ULBP2: variants seen among roughly 807,000 people sequenced by gnomAD.
ULBP2 encodes the protein UL16 binding protein 2.
In ULBP2, 21 loss-of-function variants were observed where a neutral mutation model predicts 23.6. That is an observed-to-expected ratio of 0.89 (90% CI 0.63 to 1.28). ULBP2 has a LOEUF of 1.28. Among genes scored for constraint, ULBP2 ranks in the 50% most tolerant of loss-of-function variants. The pLI, the probability that ULBP2 is intolerant of heterozygous loss-of-function variation, is 0.00. For synonymous variants in ULBP2, 82 were observed against 112.8 expected (o/e 0.73, Z 1.73); for missense variants, 251 against 306.0 (o/e 0.82, Z 1.34).
intron 1 of ULBP2, among the ~76,000 whole-genome samples, chr6:149,944,562 C>T (rs1287446449): frequency 7.5e-6 from 1 of 133,706 alleles, no homozygotes; most frequent in Non-Finnish European, 1.5e-5. Context: ...CATTCTGGTG[C>T]CTTCTCATGG....
At chr6:149,948,431 A>G (rs185684951) in intron 4 of ULBP2, among the ~76,000 whole-genome samples, 131 of 152,218 alleles carry the variant, frequency 8.6e-4, no homozygotes, top group Middle Eastern at 3.4e-3. Context: ...CCTTCACATC[A>G]GATCATAGAG....
intron 3 of ULBP2, 142 bp downstream of exon 3, chr6:149,946,795 G>A: frequency 7.1e-7 from 1 of 1,417,178 alleles, no homozygotes; most frequent in South Asian, 1.4e-5. Flanking sequence ...TCCTCCTGGG[G>A]TTACTGGCAT....
At chr6:149,946,918 T>G (rs1235392350) in intron 3 of ULBP2, among the ~76,000 whole-genome samples, 3 of 152,180 alleles carry the variant, frequency 2.0e-5, no homozygotes. Flanking sequence ...ACTGCAGGTG[T>G]CACTGTTTTC....
rs998062096 is a variant in ULBP2 at position 149,943,970 on chromosome 6, T to C, written c.86-1339T>C. Among the ~76,000 whole-genome samples, 7 of 151,972 alleles carry C rather than the reference T, an allele frequency of 4.6e-5. 1 individual carries two copies. Among genetic ancestry groups the C allele is most frequent in the African/African-American group, 1.7e-4 (7 of 41,208 alleles). On this transcript the variant is annotated intron_variant, in intron 1 of 4. Coordinates refer to ENST00000367351, the MANE Select transcript of ULBP2 (RefSeq NM_025217.4). Reference sequence around the variant, plus strand: ...TGCTTTTGAACTTCAACAGCAGAGTTGAGTAGTTACAATGGAGAATATATT... The same window carrying C: ...TGCTTTTGAACTTCAACAGCAGAGTCGAGTAGTTACAATGGAGAATATATT...
chr6:149,946,634 C>G lies in ULBP2; in HGVS notation c.612C>G (p.Thr204=), dbSNP rs768133485. 1 of 1,613,954 alleles carries G rather than the reference C, an allele frequency of 6.2e-7. No individual in the cohort carries two copies. Among genetic ancestry groups the G allele is most frequent in the East Asian group, 2.2e-5 (1 of 44,862 alleles). The part of the protein sequence containing the change: ...LEDFLMGMDS[T]LEPSAGAPLA... ...ACTTCTTGATGGGCATGGACAGCAC[C>G]CTGGAGCCAAGTGCAGGAGGTAACA... Residue 204 remains threonine, a synonymous_variant, in exon 3 of 5, where the codon ACC becomes ACG. Transcript: ENST00000367351.
In ULBP2 at chr6:149,948,368, G is replaced by C. The variant is rs181887044; in HGVS notation, c.*23-355G>C. ...AGGCCCACCAAAGGCCAAGGGCACA[G>C]GAATATGGAGCCCTCTTTTTGGAAG... On this transcript the variant is annotated intron_variant, in intron 4 of 4. Coordinates refer to ENST00000367351, the MANE Select transcript of ULBP2 (RefSeq NM_025217.4). Among the ~76,000 whole-genome samples, 433 of 152,330 alleles carry C rather than the reference G, an allele frequency of 2.8e-3. 8 individuals are homozygous for C. The highest frequency in any genetic ancestry group is 0.014 in the South Asian group (68 of 4,830).
rs1227175827 is a variant in ULBP2, at chr6:149,945,505, G to A, written c.282G>A (p.Leu94=). The change falls in exon 2 of 5, where the codon CTG becomes CTA. Residue 94 remains leucine, a synonymous_variant. Coordinates refer to ENST00000367351, the MANE Select transcript of ULBP2 (RefSeq NM_025217.4). The stretch of plus-strand genomic sequence containing the variant: ...CCTGGAAAGCACAGAACCCAGTACT[G>A]AGAGAGGTGGTGGACATACTTACAG... ...TTAWKAQNPV[L]REVVDILTEQ... 6.2e-7 allele frequency: 1 copy of A among 1,614,054 alleles called. No individual in the cohort carries two copies. Among genetic ancestry groups the A allele is most frequent in the East Asian group, 2.2e-5 (1 of 44,890 alleles).
chr6:149,948,328 A>C (rs1333733138), intron 4 of ULBP2, among the ~76,000 whole-genome samples: 1 of 152,314 alleles, frequency 6.6e-6, no homozygotes, highest in East Asian at 1.9e-4. Flanking sequence ...AGGGGAAAGA[A>C]GGATGTTTGC....
At chr6:149,946,028 G>A (rs1277041661) in intron 2 of ULBP2, among the ~76,000 whole-genome samples, 4 of 151,672 alleles carry the variant, frequency 2.6e-5, no homozygotes, top group African/African-American at 4.9e-5. Flanking sequence ...GGATCACGAG[G>A]TTAAGAGATC....
Position 149,945,550 on chromosome 6 carries a change from G to C in ULBP2, c.327G>C (p.Gln109His). The C allele has an allele frequency of 6.2e-7, 1 of 1,614,028 alleles. No individual in the cohort carries two copies. Among genetic ancestry groups the C allele is most frequent in the East Asian group, 2.2e-5 (1 of 44,888 alleles). The change falls in exon 2 of 5, where the codon CAG becomes CAC. Residue 109 changes from glutamine to histidine, a missense_variant. Around this residue, in one of 2 missense-constraint regions of ULBP2, gnomAD observed 248 missense variants for 258.9 expected, o/e 0.96. Transcript: ENST00000367351. ...DILTEQLRDI[Q>H]LENYTPKEPL... ...TTACAGAGCAACTGCGTGACATTCA[G>C]CTGGAGAATTACACACCCAAGGGTA...
intron 1 of ULBP2, among the ~76,000 whole-genome samples, chr6:149,944,855 C>A (rs1778910590): frequency 7.3e-6 from 1 of 136,172 alleles, no homozygotes; most frequent in Non-Finnish European, 1.5e-5. Flanking sequence ...TGATAATTAA[C>A]TCTTCTTTAT....
intron 1 of ULBP2, 31 bp downstream of exon 1, chr6:149,942,188 G>C (rs372843863): frequency 6.2e-7 from 1 of 1,606,798 alleles, no homozygotes; most frequent in Non-Finnish European, 8.5e-7. Flanking sequence ...TAAGCCGGGC[G>C]GGGACCAAGC....
At chr6:149,943,762 A>G (rs1486750716) in intron 1 of ULBP2, among the ~76,000 whole-genome samples, 1 of 151,930 alleles carries the variant, frequency 6.6e-6, no homozygotes, top group African/African-American at 2.4e-5. Context: ...CCACTGCTTA[A>G]TGTTGCGATT....
chr6:149,946,235 G>T, intron 2 of ULBP2, 137 bp from the exon 3 acceptor site: 2 of 1,118,164 alleles, frequency 1.8e-6, no homozygotes, highest in Non-Finnish European at 2.5e-6. Context: ...CAAATGGGAA[G>T]GTCATCATAC....
At chr6:149,944,573 G>A (rs1778907521) in intron 1 of ULBP2, among the ~76,000 whole-genome samples, 1 of 131,866 alleles carries the variant, frequency 7.6e-6, no homozygotes, top group African/African-American at 3.3e-5. Context: ...CTTCTCATGG[G>A]GCCTTCTTTA....
chr6:149,942,205 G>T lies in ULBP2; in HGVS notation c.85+48G>T, dbSNP rs572859407. 5.3e-4 allele frequency: 842 copies of T among 1,581,290 alleles called. 1 individual carries two copies. The highest frequency in any genetic ancestry group is 6.7e-4 in the Non-Finnish European group (777 of 1,163,036). Reference sequence around the variant, plus strand: ...AGCCGGGCGGGGACCAAGCCTGGAGGGCTGTGAACTGCCGCGGGTTTCAGA... The same window carrying T: ...AGCCGGGCGGGGACCAAGCCTGGAGTGCTGTGAACTGCCGCGGGTTTCAGA... On this transcript the variant is annotated intron_variant, in intron 1 of 4. Coordinates refer to ENST00000367351, the MANE Select transcript of ULBP2 (RefSeq NM_025217.4).
At position 149,946,673 on chromosome 6, in the gene ULBP2, C is replaced by T. The variant is rs200806085; in HGVS notation, c.631+20C>T. On this transcript the variant is annotated intron_variant, in intron 3 of 4. Coordinates refer to ENST00000367351, the MANE Select transcript of ULBP2 (RefSeq NM_025217.4). The stretch of plus-strand genomic sequence containing the variant: ...CAGGAGGTAACAGGAGAAAAAGAAA[C>T]GGGGATCTCAAATGTGATCAGAAAT... 1,252 of 1,611,802 alleles carry T rather than the reference C, an allele frequency of 7.8e-4. 3 individuals are homozygous for T. In the African/African-American group the frequency reaches 0.014, roughly 17 times the overall value.
intron 1 of ULBP2, 63 bp downstream of exon 1, chr6:149,942,220 C>G (rs1778874103): frequency 2.6e-6 from 4 of 1,544,182 alleles, no homozygotes; most frequent in African/African-American, 1.4e-5. Context: ...TGAACTGCCG[C>G]GGGTTTCAGA....
At chr6:149,942,584 C>T (rs572558542) in intron 1 of ULBP2, among the ~76,000 whole-genome samples, 103 of 152,236 alleles carry the variant, frequency 6.8e-4, no homozygotes, top group Non-Finnish European at 1.1e-3. Context: ...TCTGCTCTCA[C>T]CCGCTCTCCA....
Sources: allele counts gnomAD v4.1 joint callset (sites outside exome capture counted in the v4.1 genomes callset), GRCh38; gene constraint gnomAD v4.1.1; regional missense constraint gnomAD v4.1.1; transcripts MANE v1.5; gene names NCBI Gene and HGNC (gene_info 2026-07-23, HGNC 2026-07-21).